The following ADAMTS6 variants were observed in gnomAD, a reference collection of about 807,000 sequenced individuals.
ADAMTS6 encodes the protein A disintegrin and metalloproteinase with thrombospondin motifs 6.
Under a neutral mutation model 144.3 loss-of-function variants are expected in ADAMTS6, and 23 were observed. The ratio of observed to expected loss-of-function variants is 0.16; its 90% CI spans 0.11 to 0.23. The LOEUF (loss-of-function observed/expected upper bound fraction) is 0.23. ADAMTS6 is among the 10% of genes least tolerant of loss of function. The pLI, the probability that ADAMTS6 is intolerant of heterozygous loss-of-function variation, is 1.00. For synonymous variants in ADAMTS6, 444 were observed against 457.5 expected (o/e 0.97, Z 0.38); for missense variants, 999 against 1,379.6 (o/e 0.72, Z 4.37).
At chr5:65,467,491 T>C (rs1188110355) in intron 3 of ADAMTS6, among the ~76,000 whole-genome samples, 2 of 152,006 alleles carry the variant, frequency 1.3e-5, no homozygotes, top group Non-Finnish European at 2.9e-5. Context: ...AGGACAAGAA[T>C]CAGACTAGCA....
intron 15 of ADAMTS6, among the ~76,000 whole-genome samples, chr5:65,230,714 C>T (rs180895031): frequency 1.6e-5 from 1 of 61,562 alleles, no homozygotes; most frequent in Non-Finnish European, 3.0e-5. Context: ...ATATATATAA[C>T]ACATATGTAT....
Position 65,214,508 on chromosome 5 carries a change from C to A in ADAMTS6, c.2575+286G>T, listed in dbSNP as rs151122694. On this transcript the variant is annotated intron_variant, in intron 20 of 24. Transcript: ENST00000381055. This position sits in a 1 kb window ranked among gnomAD's most constrained non-coding sequence, Gnocchi z 4.6. ...ATGTTCTTTACCAAGAATGTGTTCA[C>A]GAAAGGCAAACAGCCCACCTTCAAG... is the stretch of plus-strand genomic sequence containing the variant. The A allele has an allele frequency of 1.7e-5, 8 of 468,570 alleles. No individual in the cohort carries two copies. The Admixed American group carries it at 2.7e-4, about 16-fold the overall frequency. 29.0% of individuals were successfully genotyped at this position (468,570 alleles called of 1,614,324 possible).
chr5:65,302,627 T>C (rs1362910278), intron 9 of ADAMTS6, among the ~76,000 whole-genome samples: 1 of 151,982 alleles, frequency 6.6e-6, no homozygotes, highest in Non-Finnish European at 1.5e-5. Context: ...AGGTGAAGTT[T>C]CAAGTGTGTC....
chr5:65,251,191 G>T (rs1298073854), intron 14 of ADAMTS6: 1 of 152,192 alleles, frequency 6.6e-6, no homozygotes, highest in African/African-American at 2.4e-5. Flanking sequence ...ACAGATCTGG[G>T]GTCTTCACTT....
At chr5:65,302,107 A>AAAAAAT (rs1385159906) in intron 9 of ADAMTS6, among the ~76,000 whole-genome samples, 2 of 34,084 alleles carry the variant, frequency 5.9e-5, no homozygotes, top group African/African-American at 2.2e-4. Flanking sequence ...AAAAAAAAAA[A>AAAAAAT]ATATATATAT....
chr5:65,157,052 G>A (rs1480898269), intron 24 of ADAMTS6, among the ~76,000 whole-genome samples: 3 of 152,242 alleles, frequency 2.0e-5, no homozygotes, highest in African/African-American at 7.2e-5. Context: ...TTCTCAGAGA[G>A]ACTTGGGAAG....
chr5:65,364,902 A>C (rs1035766777), intron 7 of ADAMTS6, among the ~76,000 whole-genome samples: 1 of 151,912 alleles, frequency 6.6e-6, no homozygotes. Context: ...CTTATTATAG[A>C]TATGATGCTC....
intron 10 of ADAMTS6, among the ~76,000 whole-genome samples, chr5:65,292,290 C>G (rs1742388064): frequency 6.6e-6 from 1 of 151,760 alleles, no homozygotes; most frequent in African/African-American, 2.4e-5. Context: ...TTTTTACTTT[C>G]ATTTCACATG....
At chr5:65,187,641 T>G (rs562716849) in intron 22 of ADAMTS6, among the ~76,000 whole-genome samples, 46 of 152,312 alleles carry the variant, frequency 3.0e-4, no homozygotes, top group Non-Finnish European at 2.9e-5. Flanking sequence ...TCAATAACTT[T>G]TGGGGTAAGA....
At chr5:65,257,877 T>C (rs1760824429) in intron 14 of ADAMTS6, among the ~76,000 whole-genome samples, 1 of 152,208 alleles carries the variant, frequency 6.6e-6, no homozygotes, top group Admixed American at 6.5e-5. Flanking sequence ...TGTATTATAA[T>C]TGTCTGTACC....
intron 7 of ADAMTS6, among the ~76,000 whole-genome samples, chr5:65,398,778 GAGCAAGAAAGAA>G (rs1394758241): frequency 3.8e-3 from 169 of 44,052 alleles, no homozygotes; most frequent in South Asian, 6.6e-3. Context: ...AAAGAAGAGA[GAGCAAGAAAGAA>G]AGAAAGAAAG....
intron 7 of ADAMTS6, among the ~76,000 whole-genome samples, chr5:65,346,492 T>G (rs1748328375): frequency 6.6e-6 from 1 of 151,560 alleles, no homozygotes; most frequent in African/African-American, 2.4e-5. Context: ...ACAGTAAAGA[T>G]CCTATATGAC....
At position 65,226,218 on chromosome 5, in the gene ADAMTS6, A is replaced by C; in HGVS notation, c.1935T>G (p.Gly645=). ...AGTTTAATGCACAAGGTTTTACCCC[A>C]CCTGGACAAATACAGTAGAAGAGAA... is the stretch of plus-strand genomic sequence containing the variant. ...KYYNWKPYTG[G]GVKPCALNCL... The change falls in exon 16 of 25, where the codon GGT becomes GGG. Residue 645 remains glycine (G), a splice_region_variant and synonymous_variant. Transcript: ENST00000381055. 6.2e-7 allele frequency: 1 copy of C among 1,613,058 alleles called. No homozygotes were observed. The highest frequency in any genetic ancestry group is 8.5e-7 in the Non-Finnish European group (1 of 1,179,364).
intron 7 of ADAMTS6, among the ~76,000 whole-genome samples, chr5:65,362,864 TA>T (rs1176002697): frequency 6.6e-6 from 1 of 152,208 alleles, no homozygotes; most frequent in Non-Finnish European, 1.5e-5. Flanking sequence ...GAAATCTTTT[TA>T]AAAAGCAAAC....
intron 12 of ADAMTS6, 141 bp downstream of exon 12, chr5:65,273,199 A>G: frequency 5.6e-6 from 4 of 718,290 alleles, no homozygotes; most frequent in Admixed American, 2.3e-5. Flanking sequence ...AGGTATGACA[A>G]TTAACCTATT....
chr5:65,427,053 T>C (rs1284680897), intron 7 of ADAMTS6, among the ~76,000 whole-genome samples: 1 of 152,008 alleles, frequency 6.6e-6, no homozygotes, highest in Non-Finnish European at 1.5e-5. Flanking sequence ...TGCTATTTAA[T>C]AGAGGCATGC....
intron 18 of ADAMTS6, 47 bp from the exon 19 acceptor site, chr5:65,215,534 C>A: frequency 1.3e-6 from 2 of 1,538,380 alleles, no homozygotes; most frequent in South Asian, 2.4e-5. Flanking sequence ...ATTTCATTTA[C>A]CAAAGTGTCA....
At chr5:65,156,740 GA>G (rs1294926481) in intron 24 of ADAMTS6, among the ~76,000 whole-genome samples, 1 of 152,162 alleles carries the variant, frequency 6.6e-6, no homozygotes, top group Non-Finnish European at 1.5e-5. Context: ...CTAAGTAGTG[GA>G]ATCTAAGCCA....
At chr5:65,346,107 TGAA>T (rs1748292810) in intron 7 of ADAMTS6, among the ~76,000 whole-genome samples, 1 of 151,912 alleles carries the variant, frequency 6.6e-6, no homozygotes, top group African/African-American at 2.4e-5. Context: ...TCCAAAAGAT[TGAA>T]GAAGAGGGAC....
Sources: allele counts gnomAD v4.1 joint callset (sites outside exome capture counted in the v4.1 genomes callset), GRCh38; gene constraint gnomAD v4.1.1; non-coding constraint Gnocchi (gnomAD v3.1); transcripts MANE v1.5; gene names NCBI Gene and HGNC (gene_info 2026-07-23, HGNC 2026-07-21).